PGCKA1: variants seen among roughly 807,000 people sequenced by gnomAD.
The protein encoded by PGCKA1 is PDCD10 and GCKIII kinases associated 1.
At chr4:37,578,931 A>G in the PGCKA1 span, among the ~76,000 whole-genome samples, 1 of 152,054 alleles carries the variant, frequency 6.6e-6, no homozygotes, top group African/African-American at 2.4e-5. Context: ...GGTGGTGCAC[A>G]CCTGTAATCC....
the PGCKA1 span, among the ~76,000 whole-genome samples, chr4:37,570,840 T>C: frequency 7.5e-3 from 1,145 of 152,314 alleles, 39 homozygotes; most frequent in East Asian, 0.11. Context: ...ACCCTTGGAA[T>C]TGCATAATAG....
chr4:37,549,577 C>T, the PGCKA1 span, among the ~76,000 whole-genome samples: 1 of 152,194 alleles, frequency 6.6e-6, no homozygotes, highest in Non-Finnish European at 1.5e-5. Context: ...CAAAGGACAT[C>T]ATTAGCTAAT....
chr4:37,555,779 A>G, the PGCKA1 span, among the ~76,000 whole-genome samples: 1 of 152,060 alleles, frequency 6.6e-6, no homozygotes, highest in South Asian at 2.1e-4. Context: ...AACCTTTTCT[A>G]CTGCTGCTTG....
chr4:37,483,575 C>T, the PGCKA1 span, among the ~76,000 whole-genome samples: 3 of 152,094 alleles, frequency 2.0e-5, no homozygotes, highest in Middle Eastern at 3.2e-3. Flanking sequence ...TACTTAGATT[C>T]GCTATTAGTA....
the PGCKA1 span, among the ~76,000 whole-genome samples, chr4:37,497,898 A>G: frequency 6.6e-6 from 1 of 151,920 alleles, no homozygotes; most frequent in African/African-American, 2.4e-5. Flanking sequence ...GGTCACAGCT[A>G]TTTATCTTTG....
At chr4:37,572,126 G>C in the PGCKA1 span, among the ~76,000 whole-genome samples, 2 of 143,844 alleles carry the variant, frequency 1.4e-5, no homozygotes, top group African/African-American at 2.6e-5. Context: ...GCAGTGGCGG[G>C]ATCTCGGCTC....
At chr4:37,570,850 GA>G in the PGCKA1 span, among the ~76,000 whole-genome samples, 1 of 152,192 alleles carries the variant, frequency 6.6e-6, no homozygotes, top group South Asian at 2.1e-4. Context: ...TTGCATAATA[GA>G]GGTTTTGCTG....
the PGCKA1 span, among the ~76,000 whole-genome samples, chr4:37,504,753 A>G: frequency 1.3e-5 from 2 of 152,078 alleles, no homozygotes; most frequent in Non-Finnish European, 2.9e-5. Context: ...AATACTACTG[A>G]TTTTTTATGT....
At chr4:37,519,051 G>T in the PGCKA1 span, among the ~76,000 whole-genome samples, 6 of 152,192 alleles carry the variant, frequency 3.9e-5, no homozygotes, top group East Asian at 5.8e-4. Context: ...TATGTTCTTG[G>T]CACCTTTGTC....
chr4:37,490,813 C>A, the PGCKA1 span, among the ~76,000 whole-genome samples: 10 of 152,160 alleles, frequency 6.6e-5, 1 homozygote, highest in East Asian at 1.9e-3. Flanking sequence ...TCCCAGTTAC[C>A]AGATTTCTGT....
the PGCKA1 span, among the ~76,000 whole-genome samples, chr4:37,572,938 C>T: frequency 6.6e-6 from 1 of 152,102 alleles, no homozygotes; most frequent in African/African-American, 2.4e-5. Flanking sequence ...TGTGTATTTC[C>T]TAAAAACAAG....
the PGCKA1 span, among the ~76,000 whole-genome samples, chr4:37,510,287 G>A: frequency 1.3e-5 from 2 of 151,916 alleles, no homozygotes; most frequent in African/African-American, 4.8e-5. Context: ...ATTGGTGTCT[G>A]GACATGGAAG....
At chr4:37,581,584 C>G in the PGCKA1 span, among the ~76,000 whole-genome samples, 1 of 152,120 alleles carries the variant, frequency 6.6e-6, no homozygotes, top group African/African-American at 2.4e-5. This position sits in a 1 kb window ranked among gnomAD's most constrained non-coding sequence, Gnocchi z 4.4. Flanking sequence ...GCCTGGTGCC[C>G]TATGCTAATG....
At chr4:37,515,145 G>A in the PGCKA1 span, among the ~76,000 whole-genome samples, 3 of 152,092 alleles carry the variant, frequency 2.0e-5, no homozygotes, top group Non-Finnish European at 4.4e-5. Context: ...AATGGTACTA[G>A]TGCTCTTATA....
the PGCKA1 span, among the ~76,000 whole-genome samples, chr4:37,472,352 A>G: frequency 6.6e-6 from 1 of 152,188 alleles, no homozygotes; most frequent in South Asian, 2.1e-4. Flanking sequence ...TCACCAATTA[A>G]TTCTGTCTTT....
the PGCKA1 span, chr4:37,584,371 C>T: frequency 2.0e-5 from 3 of 152,192 alleles, no homozygotes; most frequent in Non-Finnish European, 2.9e-5. Context: ...CGGAGAGGCG[C>T]GGAAGCATGA....
the PGCKA1 span, among the ~76,000 whole-genome samples, chr4:37,485,229 A>G: frequency 6.6e-6 from 1 of 152,284 alleles, no homozygotes. Context: ...ATGTTAAGGA[A>G]GGTGCTATGG....
chr4:37,549,169 T>C, the PGCKA1 span, among the ~76,000 whole-genome samples: 1 of 152,250 alleles, frequency 6.6e-6, no homozygotes, highest in African/African-American at 2.4e-5. Context: ...AGTGATGCGA[T>C]GAGCTTAAGA....
At chr4:37,491,328 A>G in the PGCKA1 span, among the ~76,000 whole-genome samples, 1 of 152,194 alleles carries the variant, frequency 6.6e-6, no homozygotes, top group Non-Finnish European at 1.5e-5. Context: ...ATATAATTAT[A>G]TCTCGATTTC....
Sources: allele counts gnomAD v4.1 joint callset (sites outside exome capture counted in the v4.1 genomes callset), GRCh38; gene constraint gnomAD v4.1.1; non-coding constraint Gnocchi (gnomAD v3.1); transcripts MANE v1.5; gene names NCBI Gene and HGNC (gene_info 2026-07-23, HGNC 2026-07-21).